Variants in CCDC102B observed in about 807,000 individuals in gnomAD.
CCDC102B encodes the protein coiled-coil domain-containing protein 102B.
Under a neutral mutation model 57.4 loss-of-function variants are expected in CCDC102B, and 75 were observed. That is an observed-to-expected ratio of 1.31 (90% confidence interval 1.08 to 1.58). The LOEUF (loss-of-function observed/expected upper bound fraction) is 1.58, where lower values mean the gene tolerates loss of function less well. CCDC102B is among the 40% of genes most tolerant of loss of function. CCDC102B has a pLI of 0.00. For synonymous variants in CCDC102B, 206 were observed against 201.9 expected, an observed-to-expected ratio of 1.02 and a Z score of -0.17; for missense variants, 636 against 582.6, an observed-to-expected ratio of 1.09 and a Z score of -0.94.
At chr18:69,012,180 T>C (rs565151416) in intron 7 of CCDC102B, among the ~76,000 whole-genome samples, 26 of 152,274 alleles carry the variant, frequency 1.7e-4, no homozygotes, top group African/African-American at 6.0e-4. Context: ...AAGGGGAATA[T>C]AGTAGGAAGG....
At chr18:69,055,279 C>T (rs375599742), downstream of CCDC102B, 110 of 490,538 alleles carry the variant, frequency 2.2e-4, no homozygotes, top group African/African-American at 1.2e-3. Context: ...CTAATAGGAA[C>T]GCAGCACTGA....
At chr18:68,769,960 T>G (rs2034586632) in intron 2 of CCDC102B, among the ~76,000 whole-genome samples, 1 of 152,170 alleles carries the variant, frequency 6.6e-6, no homozygotes, top group Non-Finnish European at 1.5e-5. Context: ...TAGAGAGGAA[T>G]AGGTTGCAGT....
At chr18:68,840,856 CT>C (rs1211761411) in intron 3 of CCDC102B, among the ~76,000 whole-genome samples, 4 of 152,150 alleles carry the variant, frequency 2.6e-5, no homozygotes, top group Admixed American at 1.3e-4. Context: ...ACAACATATA[CT>C]TTTTACTTTC....
intron 6 of CCDC102B, among the ~76,000 whole-genome samples, chr18:68,966,825 C>A (rs2050176659): frequency 6.6e-6 from 1 of 152,046 alleles, no homozygotes; most frequent in Non-Finnish European, 1.5e-5. Context: ...AGCATGGATT[C>A]CTGCCCCTCC....
At chr18:68,798,040 G>C (rs1424544845), upstream of CCDC102B, 1 of 151,998 alleles carries the variant, frequency 6.6e-6, no homozygotes, top group Non-Finnish European at 1.5e-5. Context: ...TTTTGAGTTT[G>C]TGTGGAGTGC....
chr18:68,816,588 C>G (rs182322404), intron 1 of CCDC102B, among the ~76,000 whole-genome samples: 119 of 151,896 alleles, frequency 7.8e-4, no homozygotes, highest in African/African-American at 2.8e-3. Context: ...GCCTCAGCCT[C>G]CTGAGTAGCT....
chr18:68,791,682 G>C (rs2035467489), intron 2 of CCDC102B, among the ~76,000 whole-genome samples: 1 of 151,776 alleles, frequency 6.6e-6, no homozygotes, highest in African/African-American at 2.4e-5. Context: ...GTTTTAGTAA[G>C]CTAAACTTTC....
chr18:68,724,607 C>T (rs1378378418), intron 2 of CCDC102B, among the ~76,000 whole-genome samples: 1 of 152,154 alleles, frequency 6.6e-6, no homozygotes, highest in Admixed American at 6.5e-5. Flanking sequence ...CAACAAGTTC[C>T]TCTTCTCCAT....
At chr18:68,790,184 C>T (rs1481519413) in intron 2 of CCDC102B, among the ~76,000 whole-genome samples, 16 of 151,332 alleles carry the variant, frequency 1.1e-4, no homozygotes, top group South Asian at 2.1e-4. Context: ...GCAGTCTGCC[C>T]ATTCTCAGAT....
intron 3 of CCDC102B, among the ~76,000 whole-genome samples, chr18:68,842,872 G>A (rs531067311): frequency 3.0e-4 from 45 of 152,192 alleles, no homozygotes; most frequent in South Asian, 1.2e-3. Context: ...ATTTGAATAC[G>A]TTTGCTTGCC....
intron 5 of CCDC102B, among the ~76,000 whole-genome samples, chr18:68,894,363 G>A (rs1297402277): frequency 6.6e-6 from 1 of 152,016 alleles, no homozygotes; most frequent in Non-Finnish European, 1.5e-5. Flanking sequence ...ACAGGTTTCA[G>A]TAATTTCTGC....
chr18:68,816,753 T>C (rs1384870768), intron 1 of CCDC102B, among the ~76,000 whole-genome samples: 1 of 152,176 alleles, frequency 6.6e-6, no homozygotes, highest in East Asian at 1.9e-4. Flanking sequence ...CTTGAGGCAC[T>C]GCACCCAGCC....
intron 7 of CCDC102B, among the ~76,000 whole-genome samples, chr18:69,014,569 C>A (rs2051608157): frequency 6.6e-6 from 1 of 151,664 alleles, no homozygotes; most frequent in African/African-American, 2.4e-5. Flanking sequence ...GTCCTAGTTT[C>A]ACTATAGTAT....
At chr18:68,994,467 GTAATCCTCGTGATCCCTA>G (rs1340670485) in intron 6 of CCDC102B, among the ~76,000 whole-genome samples, 5 of 152,096 alleles carry the variant, frequency 3.3e-5, no homozygotes, top group African/African-American at 1.2e-4. Flanking sequence ...ACCTTGAATT[GTAATCCTCGTGATCCCTA>G]TAATCCTCCC....
At chr18:69,039,834 C>G (rs550048101) in intron 7 of CCDC102B, among the ~76,000 whole-genome samples, 5 of 151,224 alleles carry the variant, frequency 3.3e-5, no homozygotes, top group South Asian at 2.1e-4. Flanking sequence ...CAGGAAATTA[C>G]AGGAAATTAG....
At chr18:68,836,300 T>C (rs553459749) in intron 1 of CCDC102B, among the ~76,000 whole-genome samples, 8 of 152,312 alleles carry the variant, frequency 5.3e-5, no homozygotes, top group African/African-American at 1.7e-4. Context: ...TTTAAATTCC[T>C]CTGTATTTTT....
At chr18:68,749,675 G>C (rs186659210) in intron 2 of CCDC102B, among the ~76,000 whole-genome samples, 2 of 152,146 alleles carry the variant, frequency 1.3e-5, no homozygotes, top group African/African-American at 2.4e-5. Flanking sequence ...GGGGGTTTTG[G>C]GCTGAGACGA....
In CCDC102B at chr18:68,836,203, A is replaced by T. The variant is rs1029681301; in HGVS notation, c.-15-546A>T. 2.2e-4 allele frequency among the ~76,000 whole-genome samples: 34 copies of T among 152,232 alleles called. 1 individual carries two copies. Among genetic ancestry groups the T allele is most frequent in the South Asian group, 1.0e-3 (5 of 4,832 alleles). On this transcript the variant is annotated intron_variant, in intron 1 of 7. Transcript: ENST00000360242. ...AAATGAATTATTTATGTCATATGCTATCTTCAATTGCATCTTTATATTTTT... is the reference window on the plus strand; with the variant it reads ...AAATGAATTATTTATGTCATATGCTTTCTTCAATTGCATCTTTATATTTTT...
chr18:68,832,558 G>C (rs2144772688), intron 1 of CCDC102B, among the ~76,000 whole-genome samples: 1 of 152,156 alleles, frequency 6.6e-6, no homozygotes, highest in Non-Finnish European at 1.5e-5. Flanking sequence ...TTGGTTTTTA[G>C]CTTCTGTTTC....
Sources: allele counts gnomAD v4.1 joint callset (sites outside exome capture counted in the v4.1 genomes callset), GRCh38; gene constraint gnomAD v4.1.1; transcripts MANE v1.5; gene names NCBI Gene and HGNC (gene_info 2026-07-23, HGNC 2026-07-21).